CRAMP1: variants seen among roughly 807,000 people sequenced by gnomAD.
The protein encoded by CRAMP1 is protein cramped-like.
CRAMP1 carries 50 observed loss-of-function variants against 115.4 expected under a neutral mutation model. The ratio of observed to expected loss-of-function variants is 0.43; its 90% CI spans 0.35 to 0.55. The LOEUF is 0.55. CRAMP1 is among the 20% of genes least tolerant of loss of function. The pLI is 0.01. For missense variants in CRAMP1, 1,679 were observed against 1,721.7 expected (o/e 0.98, Z 0.44); for synonymous variants, 866 against 745.4 (o/e 1.16, Z -2.64).
intron 5 of CRAMP1, among the ~76,000 whole-genome samples, chr16:1,639,191 C>T (rs1163405146): frequency 1.3e-5 from 2 of 152,226 alleles, no homozygotes; most frequent in South Asian, 2.1e-4. Flanking sequence ...TTCTGGTTTC[C>T]TCCCTAGAAG....
intron 5 of CRAMP1, among the ~76,000 whole-genome samples, chr16:1,640,634 T>G (rs1018873006): frequency 2.0e-5 from 3 of 152,208 alleles, no homozygotes; most frequent in African/African-American, 7.2e-5. Context: ...GGGCGTCTGC[T>G]CCAGGAAACT....
In CRAMP1 at chr16:1,671,030, T is replaced by C. The variant is rs2036918265; in HGVS notation, c.3645+221T>C. Among the ~76,000 whole-genome samples the C allele has an allele frequency of 6.6e-6, 1 of 152,140 alleles. No individual in the cohort carries two copies. ...ACATGCAGAATGACAGACTTAGTCA[T>C]AGCTGAGCTCTGCAGGCCTCTGAAC... On this transcript the variant is annotated intron_variant, in intron 20 of 20. Coordinates refer to ENST00000397412, the MANE Select transcript of CRAMP1 (RefSeq NM_020825.4). The surrounding 1 kb of genome is among the most constrained non-coding windows in gnomAD (Gnocchi z 5.0).
At chr16:1,639,522 T>C (rs956965903) in intron 5 of CRAMP1, among the ~76,000 whole-genome samples, 2 of 151,870 alleles carry the variant, frequency 1.3e-5, no homozygotes, top group Non-Finnish European at 2.9e-5. Context: ...ATCTGATTGG[T>C]TGTGGAAAAC....
chr16:1,653,426 C>T (rs2036741092), intron 8 of CRAMP1, among the ~76,000 whole-genome samples: 1 of 152,172 alleles, frequency 6.6e-6, no homozygotes, highest in Non-Finnish European at 1.5e-5. Context: ...TCCTTTCGTC[C>T]CCCACTAAGG....
In CRAMP1 at chr16:1,614,797, G is replaced by A; in HGVS notation, c.158G>A (p.Arg53Gln). Reference sequence around the variant, plus strand: ...ACAAAGAGGGACGAGAAGACCCCCCGGGCCGGCGCCGACGGCCCCCCCGCG... The same window carrying A: ...ACAAAGAGGGACGAGAAGACCCCCCAGGCCGGCGCCGACGGCCCCCCCGCG... Reference protein sequence around the residue: ...SGTKRDEKTPRAGADGPPAPP... With the variant: ...SGTKRDEKTPQAGADGPPAPP... The change falls in exon 2 of 21, where the codon CGG becomes CAG. Residue 53 changes from arginine to glutamine, a missense_variant. Physicochemically the swap from Arg to Gln is conservative, Grantham distance 43. Transcript: ENST00000397412. This position sits in a 1 kb window ranked among gnomAD's most constrained non-coding sequence, Gnocchi z 4.4. 1.5e-6 allele frequency: 2 copies of A among 1,296,554 alleles called. No individual in the cohort carries two copies. The highest frequency in any genetic ancestry group is 2.0e-6 in the Non-Finnish European group (2 of 1,023,658). 80.3% of individuals were successfully genotyped at this position (1,296,554 alleles called of 1,614,324 possible). A position where few individuals can be genotyped will look rare whatever the true frequency, so the allele number is the denominator to read the frequency against.
Position 1,614,833 on chromosome 16 carries a change from C to T in CRAMP1, c.194C>T (p.Ala65Val). Residue 65 changes from alanine (A) to valine (V), a missense_variant, in exon 2 of 21, where the codon GCG (alanine) becomes GTG (valine). By Grantham distance (64) the Ala-to-Val change is moderately conservative. This residue lies in a region of CRAMP1 where 264 missense variants were observed against 229.7 expected (regional missense o/e 1.15). Coordinates refer to ENST00000397412, the MANE Select transcript of CRAMP1 (RefSeq NM_020825.4). This position sits in a 1 kb window ranked among gnomAD's most constrained non-coding sequence, Gnocchi z 4.4. ...GADGPPAPPG[A>V]PQAPSPPQGS... ...GACGGCCCCCCCGCGCCCCCCGGCG[C>T]GCCGCAGGCGCCGTCCCCGCCGCAG... The T allele has an allele frequency of 6.3e-6, 8 of 1,270,862 alleles. No homozygotes were observed. The highest frequency in any genetic ancestry group is 4.2e-5 in the Admixed American group (1 of 23,966). 78.7% of individuals were successfully genotyped at this position (1,270,862 alleles called of 1,614,324 possible).
In CRAMP1 at chr16:1,670,458, C is replaced by T. The variant is rs2036912557; in HGVS notation, c.3500-206C>T. 1.4e-5 allele frequency: 8 copies of T among 582,000 alleles called. No individual in the cohort carries two copies. The South Asian group carries it at 1.6e-4, about 12-fold the overall frequency. 36.1% of individuals were successfully genotyped at this position (582,000 alleles called of 1,614,324 possible). A position where few individuals can be genotyped will look rare whatever the true frequency, so the allele number is the denominator to read the frequency against. ...CGTGGGACTCGTGGAAAACAAGGTG[C>T]ATGTCTGTATGCACGAAGGCCTGTT... On this transcript the variant is annotated intron_variant, in intron 19 of 20. Transcript: ENST00000397412.
chr16:1,642,205 G>A (rs938986510), intron 6 of CRAMP1, among the ~76,000 whole-genome samples: 2 of 152,172 alleles, frequency 1.3e-5, no homozygotes, highest in Non-Finnish European at 2.9e-5. Context: ...TCCGTCCATA[G>A]CACTTCACCC....
intron 2 of CRAMP1, chr16:1,620,578 T>C (rs2036457889): frequency 2.2e-6 from 1 of 451,998 alleles, no homozygotes; most frequent in South Asian, 1.6e-5. Flanking sequence ...GACAGTGAAT[T>C]GATGTTAGAG....
chr16:1,619,083 T>C (rs1213845796), intron 2 of CRAMP1, among the ~76,000 whole-genome samples: 1 of 152,240 alleles, frequency 6.6e-6, no homozygotes, highest in African/African-American at 2.4e-5. Flanking sequence ...AGATGATTCA[T>C]GATTGCAAAG....
At chr16:1,659,481 C>T (rs1211399498) in intron 10 of CRAMP1, among the ~76,000 whole-genome samples, 1 of 152,048 alleles carries the variant, frequency 6.6e-6, no homozygotes, top group East Asian at 1.9e-4. Flanking sequence ...AGCTCCACCT[C>T]CCAGGTTCAC....
chr16:1,617,896 A>G (rs2036434148), intron 2 of CRAMP1, among the ~76,000 whole-genome samples: 1 of 152,128 alleles, frequency 6.6e-6, no homozygotes, highest in South Asian at 2.1e-4. Context: ...CATGTCTGTA[A>G]TTTTGCTTTT....
intron 8 of CRAMP1, among the ~76,000 whole-genome samples, chr16:1,654,615 A>G (rs945610899): frequency 3.9e-5 from 6 of 152,118 alleles, no homozygotes; most frequent in African/African-American, 1.4e-4. Context: ...ATGACGCTAG[A>G]AGAGGCCCTG....
chr16:1,646,976 C>A, intron 6 of CRAMP1: 1 of 701,344 alleles, frequency 1.4e-6, no homozygotes, highest in Non-Finnish European at 2.6e-6. Context: ...CCATTCTGGA[C>A]CTTCTGTTCT....
At chr16:1,633,713 G>A (rs2036564358) in intron 4 of CRAMP1, among the ~76,000 whole-genome samples, 1 of 152,182 alleles carries the variant, frequency 6.6e-6, no homozygotes, top group Non-Finnish European at 1.5e-5. Context: ...ACGCAGCACC[G>A]ACTTTTCATT....
chr16:1,635,755 G>A (rs1449128871), intron 4 of CRAMP1, among the ~76,000 whole-genome samples: 2 of 152,210 alleles, frequency 1.3e-5, no homozygotes, highest in Non-Finnish European at 2.9e-5. Flanking sequence ...AGGTTATGCA[G>A]CCATTGCCAC....
At chr16:1,673,823 T>A (rs2036943737) in intron 20 of CRAMP1, 58 bp from the exon 21 acceptor site, 1 of 1,562,150 alleles carries the variant, frequency 6.4e-7, no homozygotes, top group Non-Finnish European at 8.8e-7. Context: ...GGACCCGCCC[T>A]CCACTGAAGG....
At chr16:1,634,973 A>G (rs531947925) in intron 4 of CRAMP1, among the ~76,000 whole-genome samples, 2 of 152,232 alleles carry the variant, frequency 1.3e-5, no homozygotes, top group East Asian at 1.9e-4. Flanking sequence ...CTCTCAGCTC[A>G]CTGTAACCTC....
At chr16:1,651,340 C>T (rs1320395726) in intron 6 of CRAMP1, among the ~76,000 whole-genome samples, 2 of 144,840 alleles carry the variant, frequency 1.4e-5, no homozygotes, top group Non-Finnish European at 3.0e-5. Context: ...CAGAGGTCAT[C>T]TAGGGGTGGA....
Sources: allele counts gnomAD v4.1 joint callset (sites outside exome capture counted in the v4.1 genomes callset), GRCh38; gene constraint gnomAD v4.1.1; regional missense constraint gnomAD v4.1.1; non-coding constraint Gnocchi (gnomAD v3.1); transcripts MANE v1.5; gene names NCBI Gene and HGNC (gene_info 2026-07-23, HGNC 2026-07-21).